The following COL4A4 variants were observed in gnomAD, a reference collection of about 807,000 sequenced individuals.
COL4A4 encodes the protein collagen type IV alpha 4 chain.
A neutral mutation model predicts 192.9 loss-of-function variants in COL4A4; 105 were observed. The observed-to-expected ratio is 0.54, with a 90% CI of 0.46 to 0.64. COL4A4 has a LOEUF of 0.64. Among genes scored for constraint, COL4A4 ranks in the 30% least tolerant of loss-of-function variants. The pLI is 0.00. For missense variants in COL4A4, 1,967 were observed against 2,169.3 expected (o/e 0.91, Z 1.85); for synonymous variants, 762 against 769.9 (o/e 0.99, Z 0.17).
chr2:226,984,755 G>T, the COL4A4 span, among the ~76,000 whole-genome samples: 95 of 152,214 alleles, frequency 6.2e-4, no homozygotes, highest in African/African-American at 2.3e-3. Context: ...TATAAGCCCT[G>T]GTCTTGTACA....
At chr2:227,020,988 C>A (rs1406280391) in intron 44 of COL4A4, among the ~76,000 whole-genome samples, 10 of 150,664 alleles carry the variant, frequency 6.6e-5, no homozygotes, top group Non-Finnish European at 2.9e-5. Flanking sequence ...GTCTCAGCCT[C>A]CCAGGTGGCT....
Position 227,060,139 on chromosome 2 carries a change from G to A in COL4A4, c.2161C>T (p.Pro721Ser), listed in dbSNP as rs200759521. The A allele has an allele frequency of 9.1e-5, 115 of 1,259,056 alleles. No homozygotes were observed. The highest frequency in any genetic ancestry group is 1.3e-4 in the Non-Finnish European group (112 of 885,812). The allele number at this position is 1,259,056 out of a possible 1,614,324, so 78.0% of individuals were successfully genotyped here. Reference protein sequence around the residue: ...TPGTAEIPGPPGFRGDMGDPG... With the variant: ...TPGTAEIPGPSGFRGDMGDPG... Reference sequence around the variant, plus strand: ...AAAAAAAAAAAACCTCACTGACCAGGTGGACCTGGTATTTCCGCTGTTCCT... The same window carrying A: ...AAAAAAAAAAAACCTCACTGACCAGATGGACCTGGTATTTCCGCTGTTCCT... The change falls in exon 27 of 48, where the codon CCT becomes TCT. Residue 721 changes from proline to serine, a missense_variant. Physicochemically the swap from Pro to Ser is moderately conservative, Grantham distance 74. Transcript: ENST00000396625.
chr2:226,981,927 G>A, the COL4A4 span, among the ~76,000 whole-genome samples: 1 of 152,222 alleles, frequency 6.6e-6, no homozygotes. Context: ...AACAGATAAA[G>A]GTTGCATCGC....
At chr2:227,157,516 T>A (rs2064449402) in intron 1 of COL4A4, among the ~76,000 whole-genome samples, 1 of 152,098 alleles carries the variant, frequency 6.6e-6, no homozygotes, top group South Asian at 2.1e-4. Context: ...AGTAGTTGGT[T>A]CTGTATACAA....
intron 1 of COL4A4, 134 bp from the exon 2 acceptor site, chr2:227,147,718 C>G: frequency 2.3e-6 from 1 of 439,400 alleles, no homozygotes; most frequent in South Asian, 2.3e-5. Flanking sequence ...GATGGTGAAA[C>G]TGAATAAATA....
intron 4 of COL4A4, among the ~76,000 whole-genome samples, chr2:227,135,227 C>A (rs545443201): frequency 7.2e-6 from 1 of 138,952 alleles, no homozygotes; most frequent in Non-Finnish European, 1.7e-5. Flanking sequence ...GCTGCTAGAG[C>A]CGAGGGGACC....
At chr2:226,979,442 A>G in the COL4A4 span, among the ~76,000 whole-genome samples, 3 of 152,284 alleles carry the variant, frequency 2.0e-5, no homozygotes, top group East Asian at 1.9e-4. Flanking sequence ...AGGAGGGGCC[A>G]GGCTCCTCCC....
chr2:227,085,960 T>C (rs763592836), intron 22 of COL4A4, among the ~76,000 whole-genome samples: 19 of 152,178 alleles, frequency 1.2e-4, no homozygotes, highest in Non-Finnish European at 2.2e-4. Context: ...CATGACTCAA[T>C]TGAATTCTTA....
intron 44 of COL4A4, among the ~76,000 whole-genome samples, chr2:227,015,089 C>A (rs914345606): frequency 5.9e-5 from 9 of 151,920 alleles, no homozygotes; most frequent in Non-Finnish European, 1.0e-4. Flanking sequence ...TTAGTAGAGA[C>A]AGGGTTTCAC....
chr2:226,970,851 A>C, the COL4A4 span, among the ~76,000 whole-genome samples: 1 of 152,138 alleles, frequency 6.6e-6, no homozygotes, highest in Non-Finnish European at 1.5e-5. Flanking sequence ...GAGAGGAGGG[A>C]TATCGTGCCC....
the COL4A4 span, among the ~76,000 whole-genome samples, chr2:226,985,032 T>G: frequency 8.8e-4 from 134 of 152,250 alleles, no homozygotes; most frequent in Non-Finnish European, 1.5e-3. Flanking sequence ...ACCACCTGAT[T>G]AGGCCTAACA....
intron 30 of COL4A4, among the ~76,000 whole-genome samples, chr2:227,055,656 A>G (rs1431971381): frequency 6.6e-6 from 1 of 152,160 alleles, no homozygotes; most frequent in Non-Finnish European, 1.5e-5. Flanking sequence ...GACCCCCTCC[A>G]AAATGAAAAT....
chr2:227,068,724 A>G (rs1322582625), intron 25 of COL4A4, among the ~76,000 whole-genome samples: 2 of 151,146 alleles, frequency 1.3e-5, no homozygotes, highest in Non-Finnish European at 2.9e-5. Context: ...TTTCAAAATA[A>G]TAAGAGCTAT....
intron 19 of COL4A4, among the ~76,000 whole-genome samples, chr2:227,097,723 G>T (rs781768287): frequency 6.6e-6 from 1 of 152,180 alleles, no homozygotes; most frequent in Non-Finnish European, 1.5e-5. Context: ...CTATCTAAAG[G>T]TTAAGTGAAC....
At chr2:226,967,491 G>A in the COL4A4 span, among the ~76,000 whole-genome samples, 9 of 151,320 alleles carry the variant, frequency 5.9e-5, no homozygotes, top group Admixed American at 1.3e-4. Context: ...CCATTAACTC[G>A]TCATTTAACA....
At chr2:227,029,147 C>T (rs13413235) in intron 41 of COL4A4, among the ~76,000 whole-genome samples, 71,203 of 151,982 alleles carry the variant, frequency 0.47, 16,903 homozygotes, top group South Asian at 0.55. Context: ...GCATGATTAG[C>T]GGTTCCACCA....
chr2:226,969,420 A>G, the COL4A4 span, among the ~76,000 whole-genome samples: 3 of 142,982 alleles, frequency 2.1e-5, no homozygotes, highest in African/African-American at 7.9e-5. Context: ...TTTTTAAGGA[A>G]GTAGACCTGT....
chr2:227,044,269 T>C (rs1437599499), intron 35 of COL4A4, among the ~76,000 whole-genome samples: 2 of 152,220 alleles, frequency 1.3e-5, no homozygotes, highest in African/African-American at 4.8e-5. Context: ...TTTCAGACAC[T>C]TGAAATTACA....
chr2:227,128,666 C>T (rs1303501431), intron 4 of COL4A4, among the ~76,000 whole-genome samples: 1 of 152,120 alleles, frequency 6.6e-6, no homozygotes, highest in Non-Finnish European at 1.5e-5. Context: ...AATCACATCT[C>T]GATTTGAACC....
Sources: allele counts gnomAD v4.1 joint callset (sites outside exome capture counted in the v4.1 genomes callset), GRCh38; gene constraint gnomAD v4.1.1; transcripts MANE v1.5; gene names NCBI Gene and HGNC (gene_info 2026-07-23, HGNC 2026-07-21).